The following PTGFRN variants were observed in gnomAD, a reference collection of about 807,000 sequenced individuals.
PTGFRN encodes the protein prostaglandin F2 receptor negative regulator.
PTGFRN carries 35 observed loss-of-function variants against 83.2 expected under a neutral mutation model. That is an observed-to-expected ratio of 0.42 (90% CI 0.32 to 0.56). The LOEUF (loss-of-function observed/expected upper bound fraction) is 0.56. Among genes scored for constraint, PTGFRN ranks in the 20% least tolerant of loss-of-function variants. PTGFRN has a pLI of 0.11. For synonymous variants in PTGFRN, 519 were observed against 498.6 expected (o/e 1.04, Z -0.55); for missense variants, 1,051 against 1,179.5 (o/e 0.89, Z 1.60).
Position 116,961,819 on chromosome 1 carries a change from C to T in PTGFRN, c.1639+151C>T. On this transcript the variant is annotated intron_variant, in intron 5 of 8. Transcript: ENST00000393203. This position sits in a 1 kb window ranked among gnomAD's most constrained non-coding sequence, Gnocchi z 5.4. Reference sequence around the variant, plus strand: ...ATCGCCATGCGACCCGTTGCACATGCTCTTTGGACTCACTATCACCCCTCC... The same window carrying T: ...ATCGCCATGCGACCCGTTGCACATGTTCTTTGGACTCACTATCACCCCTCC... 1 of 775,950 alleles carries T rather than the reference C, an allele frequency of 1.3e-6. No homozygotes were observed. The allele number at this position is 775,950 out of a possible 1,614,324, so 48.1% of individuals were successfully genotyped here. A position where few individuals can be genotyped will look rare whatever the true frequency, so the allele number is the denominator to read the frequency against.
chr1:116,930,452 C>G (rs907355918), intron 1 of PTGFRN, among the ~76,000 whole-genome samples: 1 of 152,214 alleles, frequency 6.6e-6, no homozygotes, highest in Non-Finnish European at 1.5e-5. Context: ...TTTTACCCCC[C>G]ACTCCCTCCG....
intron 3 of PTGFRN, among the ~76,000 whole-genome samples, chr1:116,948,393 G>A (rs1650254430): frequency 6.6e-6 from 1 of 152,158 alleles, no homozygotes; most frequent in South Asian, 2.1e-4. Flanking sequence ...TAATGAGAAA[G>A]GACAGTAGTG....
chr1:116,960,642 C>T (rs1402531128), intron 4 of PTGFRN, among the ~76,000 whole-genome samples: 9 of 152,172 alleles, frequency 5.9e-5, no homozygotes, highest in African/African-American at 2.2e-4. Flanking sequence ...TTATTGACCA[C>T]TGAACACAGA....
intron 1 of PTGFRN, among the ~76,000 whole-genome samples, chr1:116,930,055 A>AT (rs1362156793): frequency 6.6e-6 from 1 of 151,984 alleles, no homozygotes; most frequent in South Asian, 2.1e-4. Flanking sequence ...ATTGTTGTTC[A>AT]TTTTTTTCAA....
intron 3 of PTGFRN, among the ~76,000 whole-genome samples, chr1:116,947,082 TCA>T (rs1278461478): frequency 6.6e-6 from 1 of 152,222 alleles, no homozygotes; most frequent in Non-Finnish European, 1.5e-5. Context: ...CCATCCAAGT[TCA>T]CAGACTCTAA....
At chr1:116,942,659 A>G (rs116024880) in intron 2 of PTGFRN, among the ~76,000 whole-genome samples, 83 of 152,334 alleles carry the variant, frequency 5.4e-4, no homozygotes, top group African/African-American at 1.9e-3. Context: ...TCATGATTTA[A>G]GTACTTGTTT....
intron 5 of PTGFRN, 140 bp from the exon 6 acceptor site, chr1:116,966,771 C>T: frequency 1.1e-6 from 1 of 880,560 alleles, no homozygotes; most frequent in East Asian, 2.7e-5. Context: ...GATTTTCTTT[C>T]TGAGTTTCCA....
intron 1 of PTGFRN, among the ~76,000 whole-genome samples, chr1:116,929,645 C>T (rs1649743636): frequency 6.6e-6 from 1 of 152,192 alleles, no homozygotes; most frequent in African/African-American, 2.4e-5. Context: ...TCAGACATGA[C>T]CCTCTCAGAG....
Position 116,961,477 on chromosome 1 carries a change from C to T in PTGFRN, c.1448C>T (p.Ala483Val). The change falls in exon 5 of 9, where the codon GCC (alanine) becomes GTC (valine). Residue 483 changes from alanine to valine, a missense_variant. Physicochemically the swap from Ala to Val is moderately conservative, Grantham distance 64. Coordinates refer to ENST00000393203, the MANE Select transcript of PTGFRN (RefSeq NM_020440.4). The surrounding 1 kb of genome is among the most constrained non-coding windows in gnomAD (Gnocchi z 5.4). Reference sequence around the variant, plus strand: ...TATGGAGAGAGGAGCAAGCAGCGGGCCCAGGATGGAGACTTTATTTTTTCT... The same window carrying T: ...TATGGAGAGAGGAGCAAGCAGCGGGTCCAGGATGGAGACTTTATTTTTTCT... ...LKYGERSKQR[A>V]QDGDFIFSKE... 6.2e-7 allele frequency: 1 copy of T among 1,614,120 alleles called. No individual in the cohort carries two copies. Among genetic ancestry groups the T allele is most frequent in the South Asian group, 1.1e-5 (1 of 91,078 alleles).
chr1:116,941,790 C>G lies in PTGFRN; in HGVS notation c.125C>G (p.Pro42Arg). The G allele has an allele frequency of 6.2e-7, 1 of 1,614,176 alleles. No homozygotes were observed. Among genetic ancestry groups the G allele is most frequent in the Non-Finnish European group, 8.5e-7 (1 of 1,180,040 alleles). Residue 42 changes from proline (P) to arginine (R), a missense_variant, in exon 2 of 9, where the codon CCC becomes CGC. Coordinates refer to ENST00000393203, the MANE Select transcript of PTGFRN (RefSeq NM_020440.4). The surrounding 1 kb of genome is among the most constrained non-coding windows in gnomAD (Gnocchi z 5.0). ...VRVVGTELVI[P>R]CNVSDYDGPS... ...GTGGTGGGCACTGAGCTGGTCATCCCCTGCAACGTCAGTGACTATGATGGC... is the reference window on the plus strand; with the variant it reads ...GTGGTGGGCACTGAGCTGGTCATCCGCTGCAACGTCAGTGACTATGATGGC...
intron 4 of PTGFRN, among the ~76,000 whole-genome samples, chr1:116,955,460 GAC>G (rs915130078): frequency 3.3e-5 from 5 of 151,980 alleles, no homozygotes; most frequent in African/African-American, 7.3e-5. Context: ...CCAGACACCA[GAC>G]ACACACAGAC....
At chr1:116,985,960 A>G (rs545499909) in intron 8 of PTGFRN, among the ~76,000 whole-genome samples, 1 of 152,362 alleles carries the variant, frequency 6.6e-6, no homozygotes, top group East Asian at 1.9e-4. Context: ...CTCCATAAAG[A>G]GAATTAAAGT....
At chr1:116,920,227 C>T (rs1443919380) in intron 1 of PTGFRN, among the ~76,000 whole-genome samples, 1 of 152,272 alleles carries the variant, frequency 6.6e-6, no homozygotes, top group Admixed American at 6.5e-5. Context: ...GGATCTTTCC[C>T]TGTGGTTCTC....
intron 2 of PTGFRN, among the ~76,000 whole-genome samples, chr1:116,943,433 C>T (rs1205816402): frequency 6.6e-6 from 1 of 152,202 alleles, no homozygotes; most frequent in African/African-American, 2.4e-5. Flanking sequence ...CACCCCACTT[C>T]CTCCAGTATC....
chr1:116,933,795 G>T (rs1649855743), intron 1 of PTGFRN, among the ~76,000 whole-genome samples: 1 of 152,112 alleles, frequency 6.6e-6, no homozygotes, highest in Non-Finnish European at 1.5e-5. Context: ...TTGAAAGTTA[G>T]CCATCAGTTG....
chr1:116,934,172 G>T (rs1649865132), intron 1 of PTGFRN, among the ~76,000 whole-genome samples: 1 of 151,996 alleles, frequency 6.6e-6, no homozygotes, highest in African/African-American at 2.4e-5. Flanking sequence ...TTGAGACAGG[G>T]TCTTACTGTG....
At chr1:116,949,716 A>T (rs1650293551) in intron 4 of PTGFRN, 144 bp downstream of exon 4, 1 of 1,200,930 alleles carries the variant, frequency 8.3e-7, no homozygotes, top group Admixed American at 2.9e-5. Flanking sequence ...GCCCAGATAG[A>T]TCCCAAGCTG....
intron 3 of PTGFRN, 89 bp downstream of exon 3, chr1:116,945,181 T>C: frequency 6.8e-7 from 1 of 1,462,398 alleles, no homozygotes; most frequent in Non-Finnish European, 9.1e-7. Flanking sequence ...CCCATGGCCT[T>C]CTGACAAGAA....
At chr1:116,913,188 G>A (rs1287237696) in intron 1 of PTGFRN, among the ~76,000 whole-genome samples, 1 of 152,228 alleles carries the variant, frequency 6.6e-6, no homozygotes, top group Non-Finnish European at 1.5e-5. Context: ...GAAACCAAGT[G>A]TGGGAAACAA....
Sources: gnomAD v4.1 joint callset for allele counts (sites outside exome capture counted in the v4.1 genomes callset) on GRCh38, gnomAD v4.1.1 for gene constraint, Gnocchi (gnomAD v3.1) non-coding constraint, MANE v1.5 for transcripts, NCBI Gene and HGNC (gene_info 2026-07-23, HGNC 2026-07-21) for gene names.